ACLY: variants seen among roughly 807,000 people sequenced by gnomAD.
The protein encoded by ACLY is ATP citrate lyase.
A neutral mutation model predicts 133.0 loss-of-function variants in ACLY; 41 were observed. The observed-to-expected ratio is 0.31, with a 90% confidence interval of 0.24 to 0.40. The LOEUF (loss-of-function observed/expected upper bound fraction) is 0.40, where lower values mean the gene tolerates loss of function less well. Ranked by LOEUF, ACLY falls within the 10% of genes least tolerant of loss-of-function variation. The pLI is 1.00. For synonymous variants in ACLY, 495 were observed against 549.3 expected (o/e 0.90, Z 1.38); for missense variants, 1,046 against 1,453.8 (o/e 0.72, Z 4.56).
chr17:41,921,479 G>GAAAAAAAAAAAAAAAAAAAA (rs782660866), upstream of ACLY, among the ~76,000 whole-genome samples: 2 of 42,424 alleles, frequency 4.7e-5, no homozygotes, highest in Admixed American at 2.6e-4. Context: ...CCCTGTCTCA[G>GAAAAAAAAAAAAAAAAAAAA]AAAAAAAAAA....
intron 14 of ACLY, among the ~76,000 whole-genome samples, chr17:41,893,812 G>A (rs1567899500): frequency 6.6e-6 from 1 of 152,218 alleles, no homozygotes; most frequent in Admixed American, 6.5e-5. Flanking sequence ...CACAGGGCCA[G>A]TGCCCTCAAC....
chr17:41,906,760 G>A, intron 7 of ACLY, 114 bp from the exon 8 acceptor site: 2 of 960,766 alleles, frequency 2.1e-6, no homozygotes, highest in Non-Finnish European at 3.3e-6. Context: ...CCTTAATGGG[G>A]TGGGAAGAAG....
chr17:41,889,928 C>T (rs1366223573), intron 16 of ACLY, among the ~76,000 whole-genome samples: 1 of 152,158 alleles, frequency 6.6e-6, no homozygotes, highest in Non-Finnish European at 1.5e-5. Context: ...CCACCTTGGC[C>T]TCCCAAAGTC....
chr17:41,891,745 G>C (rs2049219085), intron 16 of ACLY, among the ~76,000 whole-genome samples: 1 of 151,978 alleles, frequency 6.6e-6, no homozygotes, highest in South Asian at 2.1e-4. Context: ...ACCCACGCTG[G>C]AGTGCCATGG....
intron 1 of ACLY, among the ~76,000 whole-genome samples, chr17:41,918,623 G>C (rs2050120616): frequency 6.6e-6 from 1 of 152,190 alleles, no homozygotes; most frequent in South Asian, 2.1e-4. Context: ...GGCAAGGATG[G>C]CGGCAAGCCC....
At chr17:41,876,258 G>A (rs1474268793) in intron 22 of ACLY, among the ~76,000 whole-genome samples, 1 of 150,284 alleles carries the variant, frequency 6.7e-6, no homozygotes, top group Non-Finnish European at 1.5e-5. Context: ...TCAGCCCCCC[G>A]CCCGGCCAGC....
intron 13 of ACLY, 76 bp from the exon 14 acceptor site, chr17:41,896,725 G>A: frequency 7.3e-7 from 1 of 1,371,818 alleles, no homozygotes; most frequent in Non-Finnish European, 9.9e-7. Flanking sequence ...GGTGGGAACA[G>A]GGAAGGGTCC....
intron 8 of ACLY, 29 bp from the exon 9 acceptor site, chr17:41,905,687 C>G (rs149804220): frequency 6.2e-7 from 1 of 1,614,030 alleles, no homozygotes; most frequent in Admixed American, 1.7e-5. Flanking sequence ...TCAGTGATGG[C>G]TCTCACACTT....
intron 24 of ACLY, 90 bp downstream of exon 24, chr17:41,871,942 G>A: frequency 6.3e-7 from 1 of 1,593,206 alleles, no homozygotes; most frequent in Non-Finnish European, 8.6e-7. Context: ...TTACACTCAG[G>A]GGCTCCTTCT....
At chr17:41,912,320 G>A in intron 3 of ACLY, 100 bp downstream of exon 3, 1 of 1,492,948 alleles carries the variant, frequency 6.7e-7, no homozygotes, top group South Asian at 1.3e-5. Flanking sequence ...GAGCTACAAT[G>A]AGACTGGCTG....
upstream of ACLY, chr17:41,918,983 C>A (rs782194209): frequency 2.9e-5 from 37 of 1,287,664 alleles, 1 homozygote; most frequent in South Asian, 4.3e-4. Flanking sequence ...CGGCTTTTGT[C>A]CCGGCCCAGC....
intron 14 of ACLY, among the ~76,000 whole-genome samples, chr17:41,894,853 G>T (rs539526437): frequency 3.0e-4 from 45 of 152,260 alleles, no homozygotes; most frequent in South Asian, 2.7e-3. Context: ...GATGCATCTA[G>T]CCCAGTGGCA....
intron 10 of ACLY, among the ~76,000 whole-genome samples, chr17:41,903,003 T>C (rs1021151505): frequency 1.9e-4 from 29 of 152,088 alleles, no homozygotes; most frequent in African/African-American, 6.5e-4. Context: ...TGCCCAGCCT[T>C]GTCTTGAACT....
chr17:41,883,535 G>A lies in ACLY; in HGVS notation c.2155-303C>T, dbSNP rs538655275. ...AGTATTTAGAAAATTTTTTTTAACC[G>A]TTCTATCCAAAAGTCATCACATTTT... On this transcript the variant is annotated intron_variant, in intron 19 of 28. Coordinates refer to ENST00000352035, the MANE Select transcript of ACLY (RefSeq NM_001096.3). 1.0e-3 allele frequency among the ~76,000 whole-genome samples: 146 copies of A among 145,708 alleles called. 1 individual carries two copies. Among genetic ancestry groups the A allele is most frequent in the Middle Eastern group, 3.5e-3 (1 of 282 alleles).
At chr17:41,917,728 C>T (rs1171575806) in intron 1 of ACLY, among the ~76,000 whole-genome samples, 12 of 152,028 alleles carry the variant, frequency 7.9e-5, no homozygotes, top group Non-Finnish European at 1.5e-4. Context: ...CTGTGAGTGC[C>T]CCTTACTGCG....
In ACLY at chr17:41,910,241, G is replaced by A; in HGVS notation, c.326C>T (p.Pro109Leu). 6.2e-7 allele frequency: 1 copy of A among 1,613,852 alleles called. No homozygotes were observed. The highest frequency in any genetic ancestry group is 8.5e-7 in the Non-Finnish European group (1 of 1,179,928). The change falls in exon 4 of 29, where the codon CCC becomes CTC. Residue 109 changes from proline (P) to leucine (L), a missense_variant. Coordinates refer to ENST00000352035, the MANE Select transcript of ACLY (RefSeq NM_001096.3). ...TGFLKNFLIEPFVPHSQAEEF... is the reference protein window; with the variant it reads ...TGFLKNFLIELFVPHSQAEEF... ...ACATACCTGACTGTGGGGGACGAAG[G>A]GCTCGATCAGAAAGTTCTTGAGGAA...
In ACLY at chr17:41,930,432, C is replaced by A. The variant is rs1444951527; in HGVS notation, c.-102G>T. ...TTTTCTTGGCTGTCTTACAAGGGAG[C>A]CTTTTCAGGCAGCAACTCCAGAGAG... On this transcript the variant is annotated 5_prime_UTR_variant, in exon 1 of 4. Transcript: ENST00000592970. 2.7e-5 allele frequency: 9 copies of A among 334,438 alleles called. No homozygotes were observed. The South Asian group carries it at 2.8e-4, about 10-fold the overall frequency. 20.7% of individuals were successfully genotyped at this position (334,438 alleles called of 1,614,324 possible).
At chr17:41,889,072 C>T (rs1330987104) in intron 16 of ACLY, among the ~76,000 whole-genome samples, 2 of 150,136 alleles carry the variant, frequency 1.3e-5, no homozygotes, top group African/African-American at 4.9e-5. Context: ...GAGCCGAGAT[C>T]ACACAACTGC....
Position 41,868,482 on chromosome 17 carries a change from A to G in ACLY, c.3211+227T>C, listed in dbSNP as rs185336701. Among the ~76,000 whole-genome samples, 10 of 151,616 alleles carry G rather than the reference A, an allele frequency of 6.6e-5. 1 individual carries two copies. The East Asian group carries it at 1.9e-3, about 29-fold the overall frequency. ...TCCTGGGCTAGCAATCATTTCTAAG[A>G]ACAAAGGAACAATGATAAAGATAAG... On this transcript the variant is annotated intron_variant, in intron 28 of 28. Transcript: ENST00000352035.
Sources: allele counts gnomAD v4.1 joint callset (sites outside exome capture counted in the v4.1 genomes callset), GRCh38; gene constraint gnomAD v4.1.1; transcripts MANE v1.5; gene names NCBI Gene and HGNC (gene_info 2026-07-23, HGNC 2026-07-21).